The following LDB2 variants were observed in gnomAD, a reference collection of about 807,000 sequenced individuals.
The protein encoded by LDB2 is LIM domain binding 2.
Under a neutral mutation model 44.3 loss-of-function variants are expected in LDB2, and 12 were observed. That is an observed-to-expected ratio of 0.27 (90% CI 0.17 to 0.44). LDB2 has a LOEUF of 0.44. Ranked by LOEUF, LDB2 falls within the 20% of genes least tolerant of loss-of-function variation. The probability of loss-of-function intolerance (pLI) is 1.00; values close to 1 mark genes in which losing one functional copy is unlikely to be tolerated. For synonymous variants in LDB2, 164 were observed against 174.8 expected, an observed-to-expected ratio of 0.94 and a Z score of 0.49; for missense variants, 344 against 473.5, an observed-to-expected ratio of 0.73 and a Z score of 2.54.
intron 1 of LDB2, among the ~76,000 whole-genome samples, chr4:16,766,800 C>T (rs1332251485): frequency 1.3e-5 from 2 of 152,022 alleles, no homozygotes; most frequent in Non-Finnish European, 2.9e-5. Flanking sequence ...GCGTGCTTGG[C>T]CCCAATTTAT....
intron 1 of LDB2, among the ~76,000 whole-genome samples, chr4:16,796,256 G>A (rs1458439005): frequency 6.6e-6 from 1 of 152,168 alleles, no homozygotes; most frequent in African/African-American, 2.4e-5. Context: ...CTGCACTCCA[G>A]CCTGGGCAAC....
intron 2 of LDB2, among the ~76,000 whole-genome samples, chr4:16,720,651 C>G (rs1046398391): frequency 2.0e-5 from 3 of 151,980 alleles, no homozygotes; most frequent in Non-Finnish European, 4.4e-5. Flanking sequence ...TGTCAGGTCC[C>G]CATTAACTTA....
chr4:16,683,052 A>G (rs1019723015), intron 2 of LDB2, among the ~76,000 whole-genome samples: 2 of 152,238 alleles, frequency 1.3e-5, no homozygotes, highest in Non-Finnish European at 2.9e-5. Flanking sequence ...TTTCAGCCTG[A>G]CAAACTCAAC....
intron 1 of LDB2, among the ~76,000 whole-genome samples, chr4:16,897,251 C>T (rs1216515044): frequency 6.6e-6 from 1 of 152,134 alleles, no homozygotes; most frequent in Non-Finnish European, 1.5e-5. Flanking sequence ...TCTAAAATTC[C>T]ACCAGAGCTA....
intron 3 of LDB2, among the ~76,000 whole-genome samples, chr4:16,591,113 G>A (rs1176872554): frequency 6.6e-6 from 1 of 152,118 alleles, no homozygotes; most frequent in Non-Finnish European, 1.5e-5. Context: ...GAGATTATTG[G>A]ATATTTAAAC....
intron 5 of LDB2, among the ~76,000 whole-genome samples, chr4:16,570,459 T>G (rs1328244257): frequency 9.8e-5 from 1 of 10,184 alleles, no homozygotes; most frequent in Non-Finnish European, 3.1e-4. Flanking sequence ...CAAGACTCTG[T>G]CTCAAAAAAA....
intron 2 of LDB2, among the ~76,000 whole-genome samples, chr4:16,656,671 G>A (rs915018305): frequency 1.3e-5 from 2 of 152,102 alleles, no homozygotes; most frequent in Non-Finnish European, 2.9e-5. Flanking sequence ...TGAGTGTGTT[G>A]AATACACACA....
intron 2 of LDB2, among the ~76,000 whole-genome samples, chr4:16,728,294 G>A (rs1759966457): frequency 6.6e-6 from 1 of 152,162 alleles, no homozygotes; most frequent in Non-Finnish European, 1.5e-5. Context: ...TAAATGAGGA[G>A]CTGTCCCTCA....
At chr4:16,795,598 G>C (rs1776590149) in intron 1 of LDB2, among the ~76,000 whole-genome samples, 1 of 152,152 alleles carries the variant, frequency 6.6e-6, no homozygotes, top group African/African-American at 2.4e-5. Flanking sequence ...AGAGGAAAGA[G>C]GAAGGCAGAA....
chr4:16,505,333 TTGTG>T (rs113278435), intron 7 of LDB2, among the ~76,000 whole-genome samples: 12 of 151,648 alleles, frequency 7.9e-5, no homozygotes, highest in African/African-American at 2.9e-4. Context: ...AGATACTTAG[TTGTG>T]TGTGTGTGTG....
At chr4:16,569,597 A>G (rs1199832391) in intron 5 of LDB2, among the ~76,000 whole-genome samples, 1 of 152,174 alleles carries the variant, frequency 6.6e-6, no homozygotes, top group African/African-American at 2.4e-5. Context: ...TGGAATACCA[A>G]GAAAAGACCA....
intron 5 of LDB2, among the ~76,000 whole-genome samples, chr4:16,518,951 A>G (rs1298579225): frequency 6.6e-6 from 1 of 152,190 alleles, no homozygotes; most frequent in Non-Finnish European, 1.5e-5. Context: ...AGGTCCTCCA[A>G]GGTCCAGCTC....
intron 2 of LDB2, among the ~76,000 whole-genome samples, chr4:16,609,947 A>G (rs1333653540): frequency 6.6e-6 from 1 of 152,158 alleles, no homozygotes; most frequent in East Asian, 1.9e-4. Flanking sequence ...CTGGCATCCT[A>G]ATGGCATCAG....
At chr4:16,840,050 T>C (rs1219174533) in intron 1 of LDB2, among the ~76,000 whole-genome samples, 2 of 152,242 alleles carry the variant, frequency 1.3e-5, no homozygotes, top group African/African-American at 2.4e-5. Flanking sequence ...ACTATGTCTA[T>C]AGCCCTCCTC....
At chr4:16,634,873 A>G (rs544028423) in intron 2 of LDB2, among the ~76,000 whole-genome samples, 1 of 152,348 alleles carries the variant, frequency 6.6e-6, no homozygotes, top group East Asian at 1.9e-4. Context: ...TCACAATAGC[A>G]AAGACTTGGA....
At chr4:16,789,119 T>C (rs976586509) in intron 1 of LDB2, among the ~76,000 whole-genome samples, 7 of 151,914 alleles carry the variant, frequency 4.6e-5, no homozygotes, top group Non-Finnish European at 8.8e-5. Flanking sequence ...CGGAAAGAGG[T>C]GGCCTGAGAA....
rs1561054768 is a variant in LDB2, at chr4:16,739,622, GTGTGTGTATATATGTATATATACATA to G, written c.235+19510_235+19535del. On this transcript the variant is annotated intron_variant, in intron 2 of 7. Transcript: ENST00000304523. ...TATATATATATATGTATATATACAT[GTGTGTGTATATATGTATATATACATA>G]TGTGTGTATATATGTATATATACAT... Among the ~76,000 whole-genome samples, 40 of 44,096 alleles carry G rather than the reference GTGTGTGTATATATGTATATATACATA, an allele frequency of 9.1e-4. 8 individuals are homozygous for G. Among genetic ancestry groups the G allele is most frequent in the Non-Finnish European group, 1.3e-3 (33 of 24,886 alleles). The allele number at this position is 44,096 out of a possible 152,430, so 28.9% of individuals were successfully genotyped here. A position where few individuals can be genotyped will look rare whatever the true frequency, so the allele number is the denominator to read the frequency against.
intron 5 of LDB2, among the ~76,000 whole-genome samples, chr4:16,539,061 G>A (rs13128522): frequency 0.083 from 12,561 of 152,138 alleles, 547 homozygotes; most frequent in South Asian, 0.17. Flanking sequence ...GGAGACAGAT[G>A]TGTGAATGGT....
chr4:16,898,554 G>A lies in LDB2; in HGVS notation c.-69C>T. The A allele has an allele frequency of 6.5e-7, 1 of 1,533,176 alleles. No homozygotes were observed. The highest frequency in any genetic ancestry group is 8.9e-7 in the Non-Finnish European group (1 of 1,117,390). The allele number at this position is 1,533,176 out of a possible 1,614,324, so 95.0% of individuals were successfully genotyped here. On this transcript the variant is annotated 5_prime_UTR_variant, in exon 1 of 8. Transcript: ENST00000304523. ...CGTCCATGCAGAGCACATGGGCTGT[G>A]TTCTTCCCAGTACAAAGTAGACGCA...
Sources: gnomAD v4.1 joint callset for allele counts (sites outside exome capture counted in the v4.1 genomes callset) on GRCh38, gnomAD v4.1.1 for gene constraint, MANE v1.5 for transcripts, NCBI Gene and HGNC (gene_info 2026-07-23, HGNC 2026-07-21) for gene names.